Variants in OAS2 observed in about 807,000 individuals in gnomAD.
OAS2 encodes the protein 2'-5'-oligoadenylate synthase 2.
In OAS2, 67 loss-of-function variants were observed where a neutral mutation model predicts 71.3. That is an observed-to-expected ratio of 0.94 (90% confidence interval 0.77 to 1.15). The LOEUF (loss-of-function observed/expected upper bound fraction) is 1.15. Among genes scored for constraint, OAS2 ranks in the 50% most tolerant of loss-of-function variants. OAS2 has a pLI of 0.00. For synonymous variants in OAS2, 327 were observed against 321.8 expected, an observed-to-expected ratio of 1.02 and a Z score of -0.17; for missense variants, 789 against 822.5, an observed-to-expected ratio of 0.96 and a Z score of 0.50.
At chr12:112,996,890 G>A (rs900477539) in intron 3 of OAS2, among the ~76,000 whole-genome samples, 10 of 152,124 alleles carry the variant, frequency 6.6e-5, no homozygotes, top group African/African-American at 9.7e-5. Flanking sequence ...GCTCTGGCTC[G>A]TAGGTGTGAC....
intron 5 of OAS2, 35 bp from the exon 6 acceptor site, chr12:113,002,897 G>A (rs2044301703): frequency 2.5e-6 from 4 of 1,605,678 alleles, no homozygotes; most frequent in Non-Finnish European, 3.4e-6. Flanking sequence ...GCTTACAGGT[G>A]CCACTCACAC....
chr12:113,008,389 G>C (rs1375996005), intron 9 of OAS2, among the ~76,000 whole-genome samples: 1 of 152,098 alleles, frequency 6.6e-6, no homozygotes, highest in Non-Finnish European at 1.5e-5. Context: ...GAAAATAAAG[G>C]AGCGTTGAAA....
At chr12:112,993,965 G>C (rs1275402071) in intron 2 of OAS2, among the ~76,000 whole-genome samples, 2 of 8,996 alleles carry the variant, frequency 2.2e-4, no homozygotes, top group Admixed American at 1.3e-3. Flanking sequence ...TTTTTTGTGG[G>C]GGGGGGAGGG....
chr12:112,995,059 C>A (rs932256270), intron 2 of OAS2, among the ~76,000 whole-genome samples: 4 of 152,178 alleles, frequency 2.6e-5, no homozygotes, highest in Non-Finnish European at 5.9e-5. Flanking sequence ...TTCTGCTGAT[C>A]TTGTCTTGGG....
intron 3 of OAS2, 108 bp downstream of exon 3, chr12:112,995,582 T>C: frequency 1.9e-6 from 2 of 1,058,162 alleles, no homozygotes; most frequent in Non-Finnish European, 2.7e-6. Context: ...AACGCATTTT[T>C]TACAATCTTA....
chr12:113,001,437 T>C (rs1011165517), intron 5 of OAS2, among the ~76,000 whole-genome samples: 1 of 73,482 alleles, frequency 1.4e-5, no homozygotes, highest in Non-Finnish European at 3.3e-5. Context: ...CACATATATA[T>C]ACACATATAT....
intron 8 of OAS2, 31 bp from the exon 9 acceptor site, chr12:113,007,674 C>T: frequency 6.3e-7 from 1 of 1,584,446 alleles, no homozygotes; most frequent in Non-Finnish European, 8.7e-7. Flanking sequence ...CTAGGCTAAC[C>T]AGTTCGTCTG....
Position 113,005,085 on chromosome 12 carries a change from G to GTTCTC in OAS2, c.1331_1332insTTCTC (p.Arg444SerfsTer24). ...CATGAACAGCTGAAAGCCTTTTGGA[G>GTTCTC]GGAGAAGGAGGAGGAGCTTGAAGTC... On this transcript the variant is annotated frameshift_variant, in exon 7 of 10. Transcript: ENST00000392583. LOFTEE classifies it high-confidence loss of function. 1 of 1,614,146 alleles carries GTTCTC rather than the reference G, an allele frequency of 6.2e-7. No individual in the cohort carries two copies. The highest frequency in any genetic ancestry group is 8.5e-7 in the Non-Finnish European group (1 of 1,180,026).
rs532380250 is a variant in OAS2 at position 113,007,173 on chromosome 12, A to G, written c.1657-532A>G. On this transcript the variant is annotated intron_variant, in intron 8 of 9. Transcript: ENST00000392583. ...AGTAGCTTCTGAACATCCTCATGAC[A>G]GTAAACATCAAGCACGATATCAGCT... 4.6e-5 allele frequency among the ~76,000 whole-genome samples: 7 copies of G among 152,332 alleles called. No homozygotes were observed. The South Asian group carries it at 1.4e-3, about 32-fold the overall frequency.
chr12:112,979,353 C>T (rs1411581561), intron 1 of OAS2, among the ~76,000 whole-genome samples: 2 of 152,112 alleles, frequency 1.3e-5, no homozygotes, highest in African/African-American at 2.4e-5. Context: ...GCGTGGGGGT[C>T]CTGATGGCCC....
chr12:113,005,047 C>A lies in OAS2; in HGVS notation c.1293C>A (p.Ile431=), dbSNP rs186647423. The A allele has an allele frequency of 3.5e-5, 57 of 1,614,152 alleles. No homozygotes were observed. The Admixed American group carries it at 9.0e-4, about 25-fold the overall frequency. Residue 431 remains isoleucine, a synonymous_variant, in exon 7 of 10, where the codon ATC becomes ATA. Coordinates refer to ENST00000392583, the MANE Select transcript of OAS2 (RefSeq NM_002535.3). ...CCCAAAAAAACGAGCGGCACAAAAT[C>A]GTCAAGGAAATCCATGAACAGCTGA... ...YTSQKNERHK[I]VKEIHEQLKA...
intron 2 of OAS2, among the ~76,000 whole-genome samples, chr12:112,990,319 A>AG (rs1404625725): frequency 6.6e-6 from 1 of 152,226 alleles, no homozygotes; most frequent in Non-Finnish European, 1.5e-5. Context: ...CAGTACACAT[A>AG]AGATGTGCAT....
At chr12:112,982,334 A>C (rs1361465414) in intron 1 of OAS2, among the ~76,000 whole-genome samples, 1 of 151,950 alleles carries the variant, frequency 6.6e-6, no homozygotes, top group African/African-American at 2.4e-5. Flanking sequence ...TATTATGTTG[A>C]GGTATGTTCC....
rs529338688 is a variant in OAS2 at position 112,996,546 on chromosome 12, C to G, written c.628-974C>G. Among the ~76,000 whole-genome samples, 4 of 152,114 alleles carry G rather than the reference C, an allele frequency of 2.6e-5. No individual in the cohort carries two copies. The East Asian group carries it at 7.7e-4, about 29-fold the overall frequency. ...GATCTGCCCACCCAGCGCAGCAAAG[C>G]CAAACAGACTTTGGGATTGCAGTGA... On this transcript the variant is annotated intron_variant, in intron 3 of 9. Coordinates refer to ENST00000392583, the MANE Select transcript of OAS2 (RefSeq NM_002535.3).
Position 113,009,350 on chromosome 12 carries a change from G to T in OAS2, c.*95G>T. 1 of 1,541,206 alleles carries T rather than the reference G, an allele frequency of 6.5e-7. No homozygotes were observed. The highest frequency in any genetic ancestry group is 1.4e-5 in the African/African-American group (1 of 72,286). ...GAAATTAACTCAGACACAAATAAAG[G>T]AAACCCAGCTCACAGGAGCTTAAAC... is the stretch of plus-strand genomic sequence containing the variant. On this transcript the variant is annotated 3_prime_UTR_variant, in exon 10 of 10. Transcript: ENST00000392583.
chr12:113,002,968 G>C lies in OAS2; in HGVS notation c.1045G>C (p.Asp349His), dbSNP rs763055902. 5 of 1,614,054 alleles carry C rather than the reference G, an allele frequency of 3.1e-6. No individual in the cohort carries two copies. The South Asian group carries it at 5.5e-5, about 18-fold the overall frequency. Residue 349 changes from aspartate to histidine, a missense_variant, in exon 6 of 10, where the codon GAT (aspartate) becomes CAT (histidine). By Grantham distance (81) the Asp-to-His change is moderately conservative (BLOSUM62 -1). Coordinates refer to ENST00000392583, the MANE Select transcript of OAS2 (RefSeq NM_002535.3). ...CTTCACGACCCCAGGCCACCTTCTG[G>C]ATAAGTTCATCAAGGAGTTTCTCCA... ...PLFTTPGHLLDKFIKEFLQPN... is the reference protein window; with the variant it reads ...PLFTTPGHLLHKFIKEFLQPN...
intron 5 of OAS2, among the ~76,000 whole-genome samples, chr12:113,000,605 GCATACATGCACTCA>G (rs1291456526): frequency 1.2e-4 from 17 of 146,972 alleles, no homozygotes; most frequent in Non-Finnish European, 2.4e-4. Context: ...ATACACACAT[GCATACATGCACTCA>G]CACACATGCA....
chr12:112,984,438 A>G (rs1352255236), intron 1 of OAS2, among the ~76,000 whole-genome samples: 1 of 152,046 alleles, frequency 6.6e-6, no homozygotes, highest in African/African-American at 2.4e-5. Context: ...CCATTCCTTC[A>G]CATTCAGTCT....
Position 112,987,271 on chromosome 12 carries a change from A to G in OAS2, c.411A>G (p.Arg137=). 6.2e-7 allele frequency: 1 copy of G among 1,614,222 alleles called. No homozygotes were observed. Residue 137 remains arginine (R), a synonymous_variant, in exon 2 of 10, where the codon AGA becomes AGG. Coordinates refer to ENST00000392583, the MANE Select transcript of OAS2 (RefSeq NM_002535.3). ...FTIQVFTKNQ[R]ISFEVLAAFN... Reference sequence around the variant, plus strand: ...TCCAGGTGTTCACAAAAAATCAGAGAATCTCTTTCGAGGTGCTGGCCGCCT... The same window carrying G: ...TCCAGGTGTTCACAAAAAATCAGAGGATCTCTTTCGAGGTGCTGGCCGCCT...
Sources: gnomAD v4.1 joint callset for allele counts (sites outside exome capture counted in the v4.1 genomes callset) on GRCh38, gnomAD v4.1.1 for gene constraint, MANE v1.5 for transcripts, NCBI Gene and HGNC (gene_info 2026-07-23, HGNC 2026-07-21) for gene names.